Variants in GRM7 observed in about 807,000 individuals in gnomAD.
The protein encoded by GRM7 is metabotropic glutamate receptor 7.
Under a neutral mutation model 84.5 loss-of-function variants are expected in GRM7, and 35 were observed. The ratio of observed to expected loss-of-function variants is 0.41; its 90% confidence interval spans 0.32 to 0.55. The LOEUF (loss-of-function observed/expected upper bound fraction) is 0.55, where lower values mean the gene tolerates loss of function less well. Among genes scored for constraint, GRM7 ranks in the 20% least tolerant of loss-of-function variants. The pLI is 0.19. For missense variants in GRM7, 1,003 were observed against 1,194.6 expected (o/e 0.84, Z 2.36); for synonymous variants, 487 against 455.1 (o/e 1.07, Z -0.89).
At chr3:6,982,800 G>A (rs1354775262) in intron 1 of GRM7, among the ~76,000 whole-genome samples, 3 of 152,040 alleles carry the variant, frequency 2.0e-5, no homozygotes, top group East Asian at 3.9e-4. Context: ...AAATTGTCAT[G>A]TATATTAATA....
intron 7 of GRM7, among the ~76,000 whole-genome samples, chr3:7,544,925 C>CGATTGAT (rs1693070869): frequency 6.6e-6 from 1 of 152,166 alleles, no homozygotes; most frequent in South Asian, 2.1e-4. Flanking sequence ...TTTTTGCCCC[C>CGATTGAT]TTAGGGGCAT....
At chr3:7,410,848 C>T (rs1695905703) in intron 4 of GRM7, among the ~76,000 whole-genome samples, 1 of 152,040 alleles carries the variant, frequency 6.6e-6, no homozygotes, top group Non-Finnish European at 1.5e-5. Context: ...GTATTCCTTT[C>T]CTAAGGATAA....
At chr3:7,406,584 C>G (rs1695688504) in intron 4 of GRM7, among the ~76,000 whole-genome samples, 1 of 152,140 alleles carries the variant, frequency 6.6e-6, no homozygotes, top group Admixed American at 6.5e-5. Flanking sequence ...CAGTTTCAAA[C>G]ATTATCAATA....
At chr3:7,334,266 C>T (rs1055132711) in intron 4 of GRM7, among the ~76,000 whole-genome samples, 3 of 151,866 alleles carry the variant, frequency 2.0e-5, no homozygotes, top group Admixed American at 6.6e-5. Flanking sequence ...CGGCAGAAAC[C>T]CTCCAAGCAG....
At chr3:7,479,717 G>A (rs888483501) in intron 7 of GRM7, among the ~76,000 whole-genome samples, 42 of 152,094 alleles carry the variant, frequency 2.8e-4, no homozygotes, top group Non-Finnish European at 4.9e-4. Context: ...TTTTACAGAT[G>A]AGAAACCAGA....
At chr3:7,729,246 G>A (rs866519097) in intron 9 of GRM7, among the ~76,000 whole-genome samples, 1 of 152,178 alleles carries the variant, frequency 6.6e-6, no homozygotes, top group South Asian at 2.1e-4. Flanking sequence ...CCCAATGCAC[G>A]CATTTGCAGC....
intron 1 of GRM7, among the ~76,000 whole-genome samples, chr3:6,958,097 A>G (rs77415419): frequency 0.058 from 8,549 of 146,232 alleles, 310 homozygotes; most frequent in African/African-American, 0.09. Flanking sequence ...GTGTGTGTGT[A>G]TATATATATA....
intron 4 of GRM7, among the ~76,000 whole-genome samples, chr3:7,331,573 G>A (rs1396567991): frequency 1.3e-5 from 2 of 152,162 alleles, no homozygotes; most frequent in Non-Finnish European, 2.9e-5. Context: ...TGAGATAGCA[G>A]CATGGACCCT....
chr3:7,581,387 G>A (rs1193977769), intron 8 of GRM7, among the ~76,000 whole-genome samples: 2 of 152,104 alleles, frequency 1.3e-5, no homozygotes, highest in African/African-American at 4.8e-5. Context: ...TTCTCAATAG[G>A]TTATGAAGTT....
At chr3:7,312,674 A>G (rs759730028) in intron 4 of GRM7, among the ~76,000 whole-genome samples, 18 of 152,168 alleles carry the variant, frequency 1.2e-4, no homozygotes, top group Non-Finnish European at 2.4e-4. Flanking sequence ...CCTTCCCTGC[A>G]GTTAGAGGAT....
chr3:6,931,176 G>T (rs1183447050), intron 1 of GRM7, among the ~76,000 whole-genome samples: 1 of 152,210 alleles, frequency 6.6e-6, no homozygotes, highest in East Asian at 1.9e-4. Context: ...GGAAGTGCAA[G>T]ACAGTATCAT....
chr3:7,012,584 A>G (rs1695412539), intron 1 of GRM7, among the ~76,000 whole-genome samples: 1 of 151,958 alleles, frequency 6.6e-6, no homozygotes, highest in Non-Finnish European at 1.5e-5. Flanking sequence ...CATAGAAACC[A>G]GGAAGATTTT....
At chr3:7,287,100 T>C (rs1164878496) in intron 2 of GRM7, among the ~76,000 whole-genome samples, 1 of 152,106 alleles carries the variant, frequency 6.6e-6, no homozygotes, top group African/African-American at 2.4e-5. Flanking sequence ...ATCCCATAGA[T>C]AGAGATAAAG....
chr3:7,186,227 A>C (rs1695508317), intron 2 of GRM7, among the ~76,000 whole-genome samples: 1 of 152,200 alleles, frequency 6.6e-6, no homozygotes, highest in Admixed American at 6.5e-5. Context: ...CCATATTTCA[A>C]GTTGCGTGTA....
At chr3:7,252,740 G>A (rs766030201) in intron 2 of GRM7, among the ~76,000 whole-genome samples, 76 of 120,964 alleles carry the variant, frequency 6.3e-4, no homozygotes, top group Non-Finnish European at 9.9e-4. Context: ...CCCAGCTGGA[G>A]TGCAGTGGTG....
intron 1 of GRM7, among the ~76,000 whole-genome samples, chr3:6,877,047 A>G (rs867589072): frequency 2.6e-5 from 4 of 152,220 alleles, no homozygotes; most frequent in African/African-American, 7.2e-5. Flanking sequence ...ATTTCAGCCA[A>G]TTGAATGGAA....
chr3:7,221,029 G>A (rs1164756851), intron 2 of GRM7, among the ~76,000 whole-genome samples: 4 of 150,520 alleles, frequency 2.7e-5, no homozygotes, highest in African/African-American at 7.4e-5. Flanking sequence ...CCCAGGACAC[G>A]GAGGTTGCAA....
At chr3:7,652,613 G>T (rs1698995869) in intron 8 of GRM7, among the ~76,000 whole-genome samples, 1 of 152,142 alleles carries the variant, frequency 6.6e-6, no homozygotes, top group Admixed American at 6.5e-5. Context: ...GAACCTAGAT[G>T]GGACTCCACC....
At chr3:7,708,095 A>G (rs1701450272) in intron 9 of GRM7, among the ~76,000 whole-genome samples, 1 of 151,454 alleles carries the variant, frequency 6.6e-6, no homozygotes, top group Admixed American at 6.6e-5. Context: ...CAGGATATAA[A>G]CTGGTTTCTG....
Sources: gnomAD v4.1 joint callset for allele counts (sites outside exome capture counted in the v4.1 genomes callset) on GRCh38, gnomAD v4.1.1 for gene constraint, MANE v1.5 for transcripts, NCBI Gene and HGNC (gene_info 2026-07-23, HGNC 2026-07-21) for gene names.